DGKB: variants seen among roughly 807,000 people sequenced by gnomAD.
DGKB encodes the protein 90 kDa diacylglycerol kinase.
A neutral mutation model predicts 114.3 loss-of-function variants in DGKB; 67 were observed. The observed-to-expected ratio is 0.59, with a 90% CI of 0.48 to 0.72. DGKB has a LOEUF of 0.72. Among genes scored for constraint, DGKB ranks in the 30% least tolerant of loss-of-function variants. The probability of loss-of-function intolerance (pLI) is 0.00; values close to 1 mark genes in which losing one functional copy is unlikely to be tolerated. For missense variants in DGKB, 907 were observed against 975.2 expected, an observed-to-expected ratio of 0.93 and a Z score of 0.93; for synonymous variants, 398 against 323.1, an observed-to-expected ratio of 1.23 and a Z score of -2.49.
chr7:14,180,259 A>G (rs951236066), intron 23 of DGKB, among the ~76,000 whole-genome samples: 1 of 152,200 alleles, frequency 6.6e-6, no homozygotes, highest in African/African-American at 2.4e-5. Context: ...GAACCATTCT[A>G]TAAGAAATGA....
At chr7:14,332,389 C>G (rs1402483298) in intron 23 of DGKB, among the ~76,000 whole-genome samples, 1 of 151,444 alleles carries the variant, frequency 6.6e-6, no homozygotes, top group Non-Finnish European at 1.5e-5. Flanking sequence ...ATGCCGCCTT[C>G]GTGGAATGTG....
At chr7:14,945,282 A>G (rs1187550427) in intron 1 of DGKB, among the ~76,000 whole-genome samples, 3 of 151,844 alleles carry the variant, frequency 2.0e-5, no homozygotes, top group African/African-American at 7.2e-5. Flanking sequence ...AAAGCAGGCA[A>G]AACTCATCAA....
At chr7:14,644,504 G>A (rs1812510268) in intron 13 of DGKB, among the ~76,000 whole-genome samples, 1 of 152,108 alleles carries the variant, frequency 6.6e-6, no homozygotes, top group Admixed American at 6.5e-5. Context: ...ATCTGAATGA[G>A]AAATTCAACA....
intron 2 of DGKB, among the ~76,000 whole-genome samples, chr7:14,787,078 C>T (rs1208924837): frequency 1.3e-5 from 2 of 152,098 alleles, no homozygotes; most frequent in African/African-American, 4.8e-5. Context: ...GTTTGGGTGT[C>T]CTGAGAGCTG....
At chr7:14,811,673 A>G (rs566368885) in intron 2 of DGKB, among the ~76,000 whole-genome samples, 3 of 152,266 alleles carry the variant, frequency 2.0e-5, no homozygotes, top group East Asian at 3.9e-4. Flanking sequence ...AATTAAAACA[A>G]TATTCTAATG....
chr7:14,564,754 CT>C (rs1015778884), intron 20 of DGKB, among the ~76,000 whole-genome samples: 4 of 151,240 alleles, frequency 2.6e-5, no homozygotes, highest in African/African-American at 4.9e-5. Context: ...TTTTCTTAAT[CT>C]TTTTTTTTCT....
chr7:14,458,909 G>A (rs1273082444), intron 21 of DGKB, among the ~76,000 whole-genome samples: 1 of 152,182 alleles, frequency 6.6e-6, no homozygotes, highest in African/African-American at 2.4e-5. Flanking sequence ...GTTTAGCTCA[G>A]GGGATCCCAT....
At chr7:14,616,807 T>C (rs957772094) in intron 15 of DGKB, among the ~76,000 whole-genome samples, 1 of 151,704 alleles carries the variant, frequency 6.6e-6, no homozygotes, top group African/African-American at 2.4e-5. Flanking sequence ...ATACTTGAGA[T>C]ACAGTAATAC....
At chr7:14,688,756 T>TAA (rs1463819906) in intron 9 of DGKB, among the ~76,000 whole-genome samples, 3 of 152,174 alleles carry the variant, frequency 2.0e-5, no homozygotes. Context: ...TCAAAGGAAA[T>TAA]AATGCTCTTC....
intron 6 of DGKB, among the ~76,000 whole-genome samples, chr7:14,704,396 C>T (rs1333139238): frequency 2.8e-5 from 4 of 143,544 alleles, no homozygotes; most frequent in Middle Eastern, 3.6e-3. Context: ...TGCAGTGAGC[C>T]GAGATCACGC....
At chr7:14,611,615 C>T (rs1227531596) in intron 16 of DGKB, among the ~76,000 whole-genome samples, 3 of 151,934 alleles carry the variant, frequency 2.0e-5, no homozygotes, top group Admixed American at 2.0e-4. Context: ...GAATAAAGAA[C>T]AAAACACACG....
chr7:14,146,426 C>T lies in DGKB; in HGVS notation c.*2705G>A, dbSNP rs1781482735. On this transcript the variant is annotated 3_prime_UTR_variant, in exon 26 of 26. Coordinates refer to ENST00000402815, the MANE Select transcript of DGKB (RefSeq NM_001350709.2). ...GTTTCAGCCACTTAAAACTTTATGT[C>T]TCCTATATTAAAAGAGGGCGACTCA... is the stretch of plus-strand genomic sequence containing the variant. 1 of 152,256 alleles carries T rather than the reference C, an allele frequency of 6.6e-6. No individual in the cohort carries two copies. Among genetic ancestry groups the T allele is most frequent in the Non-Finnish European group, 1.5e-5 (1 of 68,016 alleles). 9.4% of individuals were successfully genotyped at this position (152,256 alleles called of 1,614,324 possible).
intron 1 of DGKB, among the ~76,000 whole-genome samples, chr7:14,862,670 A>G (rs997373274): frequency 6.6e-6 from 1 of 152,104 alleles, no homozygotes; most frequent in African/African-American, 2.4e-5. Context: ...CCTCCCTTAT[A>G]TACGGACTAA....
At chr7:14,939,678 G>A (rs1256910691) in intron 1 of DGKB, among the ~76,000 whole-genome samples, 1 of 133,376 alleles carries the variant, frequency 7.5e-6, no homozygotes, top group African/African-American at 2.9e-5. Context: ...CCAGGCTGGA[G>A]TGCAATGGCA....
At chr7:14,742,446 C>G (rs1832711988) in intron 4 of DGKB, among the ~76,000 whole-genome samples, 1 of 152,062 alleles carries the variant, frequency 6.6e-6, no homozygotes, top group Non-Finnish European at 1.5e-5. Context: ...TAGCTTTAAT[C>G]TTTGAGAAAT....
chr7:14,149,037 A>C lies in DGKB; in HGVS notation c.*94T>G. ...TAAACCACTTCCATGATTTTGCATG[A>C]GCAGGAGACTTGAAATGGTTCAAAG... On this transcript the variant is annotated 3_prime_UTR_variant, in exon 26 of 26. Transcript: ENST00000402815. 9.3e-7 allele frequency: 1 copy of C among 1,078,082 alleles called. No homozygotes were observed. The highest frequency in any genetic ancestry group is 1.3e-5 in the South Asian group (1 of 78,768). 66.8% of individuals were successfully genotyped at this position (1,078,082 alleles called of 1,614,324 possible).
chr7:14,321,284 C>A (rs1484007442), intron 23 of DGKB, among the ~76,000 whole-genome samples: 1 of 151,846 alleles, frequency 6.6e-6, no homozygotes. Flanking sequence ...GAGTGATACC[C>A]TGTCTCAGAA....
intron 5 of DGKB, among the ~76,000 whole-genome samples, chr7:14,734,655 T>G (rs1045174994): frequency 2.6e-5 from 4 of 152,188 alleles, no homozygotes; most frequent in Non-Finnish European, 5.9e-5. Flanking sequence ...CTTCTTACTA[T>G]TTTTTGTTTG....
At chr7:14,832,616 T>G (rs2128124944) in intron 2 of DGKB, among the ~76,000 whole-genome samples, 1 of 152,270 alleles carries the variant, frequency 6.6e-6, no homozygotes, top group East Asian at 1.9e-4. Context: ...TCTCATTTTT[T>G]GAAAACATGT....
Sources: gnomAD v4.1 joint callset for allele counts (sites outside exome capture counted in the v4.1 genomes callset) on GRCh38, gnomAD v4.1.1 for gene constraint, MANE v1.5 for transcripts, NCBI Gene and HGNC (gene_info 2026-07-23, HGNC 2026-07-21) for gene names.